Variants in BRINP3 observed in about 807,000 individuals in gnomAD.
BRINP3 encodes the protein BMP/retinoic acid-inducible neural-specific protein 3.
Under a neutral mutation model 71.0 loss-of-function variants are expected in BRINP3, and 19 were observed. That is an observed-to-expected ratio of 0.27 (90% CI 0.19 to 0.39). The LOEUF is 0.39. BRINP3 is among the 10% of genes least tolerant of loss of function. BRINP3 has a pLI of 1.00. For missense variants in BRINP3, 959 were observed against 940.8 expected (o/e 1.02, Z -0.25); for synonymous variants, 380 against 337.7 (o/e 1.13, Z -1.37).
At chr1:190,467,911 A>G (rs928412569) in intron 1 of BRINP3, among the ~76,000 whole-genome samples, 1 of 151,562 alleles carries the variant, frequency 6.6e-6, no homozygotes, top group Non-Finnish European at 1.5e-5. Context: ...GAAAATTAAA[A>G]TGAGACATTA....
chr1:190,414,296 T>G (rs890232867), intron 2 of BRINP3, among the ~76,000 whole-genome samples: 1 of 152,140 alleles, frequency 6.6e-6, no homozygotes, highest in African/African-American at 2.4e-5. Flanking sequence ...TTTTTTTAAA[T>G]TTTCATAATT....
At chr1:190,268,694 A>AAAACTT (rs1469921672) in intron 3 of BRINP3, among the ~76,000 whole-genome samples, 2 of 152,188 alleles carry the variant, frequency 1.3e-5, no homozygotes, top group African/African-American at 4.8e-5. Context: ...ATACAGTAAC[A>AAAACTT]AAACTTAGTA....
intron 3 of BRINP3, among the ~76,000 whole-genome samples, chr1:190,269,636 C>T (rs1661938853): frequency 6.7e-6 from 1 of 149,944 alleles, no homozygotes; most frequent in South Asian, 2.1e-4. Context: ...AACTAGCCCA[C>T]ATAGATTTGA....
intron 2 of BRINP3, among the ~76,000 whole-genome samples, chr1:190,343,483 A>G (rs1285372246): frequency 6.6e-6 from 1 of 151,824 alleles, no homozygotes; most frequent in African/African-American, 2.4e-5. Context: ...TAACTGTAAA[A>G]TTGGAAAATA....
At chr1:190,241,485 CTG>C (rs1659091945) in intron 4 of BRINP3, among the ~76,000 whole-genome samples, 1 of 151,974 alleles carries the variant, frequency 6.6e-6, no homozygotes. Context: ...CTCTCTCTCT[CTG>C]GCAATAAAGT....
chr1:190,475,305 C>T (rs1677427213), intron 1 of BRINP3, among the ~76,000 whole-genome samples: 2 of 152,106 alleles, frequency 1.3e-5, no homozygotes, highest in Non-Finnish European at 2.9e-5. Flanking sequence ...AATATTAACG[C>T]AAAAAGGTAC....
chr1:190,258,794 G>T (rs1427239684), intron 4 of BRINP3, among the ~76,000 whole-genome samples: 1 of 152,188 alleles, frequency 6.6e-6, no homozygotes, highest in Non-Finnish European at 1.5e-5. Flanking sequence ...CCTGGATAGA[G>T]TTGGTGAGGA....
At chr1:190,322,603 A>G (rs1475943961) in intron 2 of BRINP3, among the ~76,000 whole-genome samples, 1 of 152,048 alleles carries the variant, frequency 6.6e-6, no homozygotes, top group Non-Finnish European at 1.5e-5. Flanking sequence ...CGTGAACTTG[A>G]ATAAAAAATG....
At chr1:190,254,694 A>G (rs1237107775) in intron 4 of BRINP3, among the ~76,000 whole-genome samples, 1 of 152,164 alleles carries the variant, frequency 6.6e-6, no homozygotes, top group African/African-American at 2.4e-5. Context: ...GGGGTTTTCT[A>G]AATATACAAT....
intron 2 of BRINP3, among the ~76,000 whole-genome samples, chr1:190,392,836 T>A (rs1167767729): frequency 6.6e-6 from 1 of 151,676 alleles, no homozygotes; most frequent in African/African-American, 2.4e-5. Context: ...AAACAGTAAT[T>A]AGCATTCTCT....
At chr1:190,384,803 A>C (rs1350880014) in intron 2 of BRINP3, among the ~76,000 whole-genome samples, 1 of 152,046 alleles carries the variant, frequency 6.6e-6, no homozygotes, top group East Asian at 1.9e-4. Flanking sequence ...ACTATATTAT[A>C]ATTACTATTA....
At chr1:190,154,014 A>T in intron 7 of BRINP3, 1 of 824,684 alleles carries the variant, frequency 1.2e-6, no homozygotes, top group Non-Finnish European at 1.5e-6. Context: ...ACAATCCATG[A>T]CTTATATGGT....
intron 2 of BRINP3, among the ~76,000 whole-genome samples, chr1:190,375,447 AAT>A (rs1047862558): frequency 9.2e-5 from 14 of 152,112 alleles, no homozygotes; most frequent in African/African-American, 2.9e-4. Context: ...TAGAAATAAA[AAT>A]ATATGTTTAT....
intron 6 of BRINP3, among the ~76,000 whole-genome samples, chr1:190,218,156 A>G (rs138529230): frequency 1.3e-5 from 2 of 151,968 alleles, no homozygotes; most frequent in Admixed American, 6.6e-5. Context: ...AAGAAATAAT[A>G]CATTTTTGGT....
At chr1:190,250,719 G>T (rs890710524) in intron 4 of BRINP3, among the ~76,000 whole-genome samples, 11 of 151,948 alleles carry the variant, frequency 7.2e-5, no homozygotes, top group Non-Finnish European at 2.9e-5. Context: ...TATGAAGGCT[G>T]CATTTGCCTG....
chr1:190,336,157 C>T (rs576402091), intron 2 of BRINP3, among the ~76,000 whole-genome samples: 2 of 152,132 alleles, frequency 1.3e-5, no homozygotes, highest in East Asian at 1.9e-4. Context: ...TCACTACTCT[C>T]CCTCATTCTT....
At chr1:190,346,750 C>T (rs1668048371) in intron 2 of BRINP3, among the ~76,000 whole-genome samples, 1 of 152,102 alleles carries the variant, frequency 6.6e-6, no homozygotes, top group South Asian at 2.1e-4. Flanking sequence ...TAACAGCGAT[C>T]TCTGAAATGC....
At chr1:190,203,750 A>T (rs554292024) in intron 6 of BRINP3, among the ~76,000 whole-genome samples, 2 of 39,342 alleles carry the variant, frequency 5.1e-5, no homozygotes, top group African/African-American at 7.9e-5. Flanking sequence ...CACTAAAGAA[A>T]ATATATATAT....
At chr1:190,227,233 C>CA (rs1190621607) in intron 5 of BRINP3, among the ~76,000 whole-genome samples, 1 of 151,458 alleles carries the variant, frequency 6.6e-6, no homozygotes, top group African/African-American at 2.4e-5. Context: ...TTCTGTTTAA[C>CA]AAAAAAATCA....
Sources: allele counts gnomAD v4.1 joint callset (sites outside exome capture counted in the v4.1 genomes callset), GRCh38; gene constraint gnomAD v4.1.1; transcripts MANE v1.5; gene names NCBI Gene and HGNC (gene_info 2026-07-23, HGNC 2026-07-21).